Variants in RIPK1 observed in about 807,000 individuals in gnomAD.
RIPK1 encodes receptor interacting serine/threonine kinase 1.
A neutral mutation model predicts 62.4 loss-of-function variants in RIPK1; 27 were observed. The ratio of observed to expected loss-of-function variants is 0.43; its 90% CI spans 0.32 to 0.60. The LOEUF is 0.60. Ranked by LOEUF, RIPK1 falls within the 20% of genes least tolerant of loss-of-function variation. The pLI is 0.07. For synonymous variants in RIPK1, 287 were observed against 303.2 expected (o/e 0.95, Z 0.55); for missense variants, 735 against 831.0 (o/e 0.88, Z 1.42).
At chr6:3,066,549 A>C (rs1445863436), upstream of RIPK1, among the ~76,000 whole-genome samples, 1 of 152,234 alleles carries the variant, frequency 6.6e-6, no homozygotes, top group South Asian at 2.1e-4. Flanking sequence ...CTTTTAAAAA[A>C]TAATGAATAG....
chr6:3,076,923 T>C lies in RIPK1; in HGVS notation c.100T>C (p.Cys34Arg). ...CGGAGGCTTTGGGAAGGTGTCTCTGTGTTTCCACAGAACCCAGGGACTCAT... is the reference window on the plus strand; with the variant it reads ...CGGAGGCTTTGGGAAGGTGTCTCTGCGTTTCCACAGAACCCAGGGACTCAT... ...DSGGFGKVSL[C>R]FHRTQGLMIM... The change falls in exon 2 of 11, where the codon TGT (cysteine) becomes CGT (arginine). Residue 34 changes from cysteine (C) to arginine (R), a missense_variant. Coordinates refer to ENST00000259808, the MANE Select transcript of RIPK1 (RefSeq NM_001354930.2). 6.2e-7 allele frequency: 1 copy of C among 1,612,502 alleles called. No individual in the cohort carries two copies. Among genetic ancestry groups the C allele is most frequent in the Non-Finnish European group, 8.5e-7 (1 of 1,179,354 alleles).
In RIPK1 at chr6:3,114,318, T is replaced by C. The variant is rs1485000246; in HGVS notation, c.*979T>C. On this transcript the variant is annotated 3_prime_UTR_variant, in exon 11 of 11. Transcript: ENST00000259808. This position sits in a 1 kb window ranked among gnomAD's most constrained non-coding sequence, Gnocchi z 5.0. ...TGAGTGGCTTCCTCGGTTTACTCTG[T>C]GTACTGTGAAAGTATTTTCATATTT... The C allele has an allele frequency of 6.6e-6, 1 of 152,214 alleles. No individual in the cohort carries two copies. Among genetic ancestry groups the C allele is most frequent in the African/African-American group, 2.4e-5 (1 of 41,456 alleles). The allele number at this position is 152,214 out of a possible 1,614,324, so 9.4% of individuals were successfully genotyped here.
intron 7 of RIPK1, among the ~76,000 whole-genome samples, chr6:3,094,347 T>C (rs1329544504): frequency 2.0e-5 from 3 of 152,212 alleles, no homozygotes. Flanking sequence ...AAAAATGTCC[T>C]CTGAGTATAT....
At chr6:3,083,037 G>T in intron 4 of RIPK1, 48 bp from the exon 5 acceptor site, 1 of 1,571,534 alleles carries the variant, frequency 6.4e-7, no homozygotes, top group Non-Finnish European at 8.8e-7. Flanking sequence ...GATCTGATTT[G>T]CTTACGGCCT....
In RIPK1 at chr6:3,106,008, A is replaced by G. The variant is rs1005918063; in HGVS notation, c.1533A>G (p.Leu511=). The G allele has an allele frequency of 2.5e-6, 4 of 1,613,182 alleles. No homozygotes were observed. In the African/African-American group the frequency reaches 5.3e-5, roughly 22 times the overall value. The change falls in exon 9 of 11, where the codon CTA becomes CTG. Residue 511 remains leucine (L), a synonymous_variant. Transcript: ENST00000259808. ...TCCCAGTGCCTGAGACCAACTATCT[A>G]GGAAATACACCCACCATGCCATTCA... ...HNIPVPETNY[L]GNTPTMPFSS...
intron 9 of RIPK1, among the ~76,000 whole-genome samples, chr6:3,106,942 A>G (rs923706563): frequency 2.6e-5 from 4 of 152,164 alleles, no homozygotes; most frequent in Non-Finnish European, 4.4e-5. Context: ...GATTAAGTCA[A>G]TAAAAATTTC....
chr6:3,085,575 CCT>C lies in RIPK1; in HGVS notation c.838+175_838+176del, dbSNP rs573083497. 2.6e-4 allele frequency among the ~76,000 whole-genome samples: 39 copies of C among 152,146 alleles called. 1 individual carries two copies. In the East Asian group the frequency reaches 6.4e-3, roughly 25 times the overall value. ...AACATGTTATTCAGTGCAAAGAAGC[CCT>C]CTCTCTCAAAAGCATGATGGCACAT... On this transcript the variant is annotated intron_variant, in intron 6 of 10. Transcript: ENST00000259808.
chr6:3,077,996 C>T (rs1320683188), intron 3 of RIPK1, 61 bp downstream of exon 3: 9 of 1,561,882 alleles, frequency 5.8e-6, no homozygotes, highest in Non-Finnish European at 7.0e-6. Context: ...TCTGTTATGG[C>T]TCCCCTTGGG....
At position 3,113,040 on chromosome 6, in the gene RIPK1, T is replaced by TC. The variant is rs1490924720; in HGVS notation, c.1730-10dup. On this transcript the variant is annotated splice_polypyrimidine_tract_variant and intron_variant, in intron 10 of 10. Coordinates refer to ENST00000259808, the MANE Select transcript of RIPK1 (RefSeq NM_001354930.2). This position sits in a 1 kb window ranked among gnomAD's most constrained non-coding sequence, Gnocchi z 5.0. ...TTTTAGCTTGATACCTTCTTCTTTT[T>TC]CCCATTTGGCAGATAATACCACTAG... The TC allele has an allele frequency of 6.6e-7, 1 of 1,518,822 alleles. No homozygotes were observed. Among genetic ancestry groups the TC allele is most frequent in the Non-Finnish European group, 8.8e-7 (1 of 1,133,972 alleles). 94.1% of individuals were successfully genotyped at this position (1,518,822 alleles called of 1,614,324 possible).
At chr6:3,066,736 T>C (rs563608012), upstream of RIPK1, among the ~76,000 whole-genome samples, 65 of 152,312 alleles carry the variant, frequency 4.3e-4, 1 homozygote, top group South Asian at 0.013. Flanking sequence ...TGAACCAATA[T>C]GGATAAAACA....
intron 7 of RIPK1, among the ~76,000 whole-genome samples, chr6:3,096,828 G>C (rs535804606): frequency 9.2e-5 from 14 of 151,608 alleles, no homozygotes; most frequent in Middle Eastern, 3.4e-3. Context: ...CAGAGTGCTG[G>C]GATTACAGGT....
intron 8 of RIPK1, 130 bp downstream of exon 8, chr6:3,104,445 G>A (rs1760731503): frequency 1.7e-6 from 1 of 576,446 alleles, no homozygotes; most frequent in Admixed American, 3.3e-5. Flanking sequence ...TGCCTTACAG[G>A]AATTTATAAT....
intron 7 of RIPK1, among the ~76,000 whole-genome samples, chr6:3,100,816 C>T (rs1216789066): frequency 6.6e-6 from 1 of 152,096 alleles, no homozygotes; most frequent in Non-Finnish European, 1.5e-5. Context: ...TGGTCTTGAA[C>T]TCCTGACCTC....
intron 4 of RIPK1, among the ~76,000 whole-genome samples, chr6:3,081,836 G>A (rs1456836745): frequency 1.2e-4 from 13 of 111,528 alleles, no homozygotes; most frequent in Non-Finnish European, 2.2e-4. Flanking sequence ...CTCCAGCCTG[G>A]GCAACAAGAG....
At chr6:3,079,285 G>T (rs2113587811) in intron 3 of RIPK1, among the ~76,000 whole-genome samples, 1 of 152,172 alleles carries the variant, frequency 6.6e-6, no homozygotes, top group Non-Finnish European at 1.5e-5. Flanking sequence ...TCACCATGTT[G>T]GTCAGGCTGG....
intron 7 of RIPK1, among the ~76,000 whole-genome samples, chr6:3,090,840 C>G (rs1344073220): frequency 2.6e-5 from 3 of 114,716 alleles, no homozygotes; most frequent in Non-Finnish European, 4.8e-5. Context: ...ACCTGCCGCA[C>G]CTAGTAACCG....
intron 7 of RIPK1, among the ~76,000 whole-genome samples, chr6:3,093,997 C>G (rs1760120745): frequency 7.5e-6 from 1 of 133,124 alleles, no homozygotes; most frequent in Non-Finnish European, 1.6e-5. Flanking sequence ...CGCCTACCTG[C>G]CGCACCTAGT....
At chr6:3,107,112 C>T (rs772841059) in intron 9 of RIPK1, among the ~76,000 whole-genome samples, 3 of 151,660 alleles carry the variant, frequency 2.0e-5, no homozygotes, top group Non-Finnish European at 4.4e-5. Flanking sequence ...ATTAGCCAGG[C>T]GTGGTGGCGC....
chr6:3,087,774 T>C (rs112122807), intron 6 of RIPK1, among the ~76,000 whole-genome samples: 8,416 of 124,312 alleles, frequency 0.068, 762 homozygotes, highest in African/African-American at 0.2. Context: ...CTCCTGACCT[T>C]GTGATCAGCC....
Sources: allele counts gnomAD v4.1 joint callset (sites outside exome capture counted in the v4.1 genomes callset), GRCh38; gene constraint gnomAD v4.1.1; non-coding constraint Gnocchi (gnomAD v3.1); transcripts MANE v1.5; gene names NCBI Gene and HGNC (gene_info 2026-07-23, HGNC 2026-07-21).